Variants in EEA1 observed in about 807,000 individuals in gnomAD.
EEA1 encodes early endosome antigen 1, 162kD.
A neutral mutation model predicts 209.2 loss-of-function variants in EEA1; 111 were observed. The observed-to-expected ratio is 0.53, with a 90% CI of 0.45 to 0.62. EEA1 has a LOEUF of 0.62. Ranked by LOEUF, EEA1 falls within the 20% of genes least tolerant of loss-of-function variation. EEA1 has a pLI of 0.00. For missense variants in EEA1, 1,343 were observed against 1,530.8 expected (o/e 0.88, Z 2.05); for synonymous variants, 536 against 540.6 (o/e 0.99, Z 0.12).
intron 11 of EEA1, among the ~76,000 whole-genome samples, chr12:92,830,265 T>C (rs1044135003): frequency 1.4e-4 from 21 of 152,192 alleles, no homozygotes; most frequent in Non-Finnish European, 2.1e-4. Context: ...GATTATTTCA[T>C]TACCTAGGTA....
Position 92,772,368 on chromosome 12 carries a change from T to C in EEA1, c.*3643A>G, listed in dbSNP as rs1270181262. The C allele has an allele frequency of 6.6e-6, 1 of 151,880 alleles. No homozygotes were observed. Among genetic ancestry groups the C allele is most frequent in the Non-Finnish European group, 1.5e-5 (1 of 67,822 alleles). The allele number at this position is 151,880 out of a possible 1,614,324, so 9.4% of individuals were successfully genotyped here. A position where few individuals can be genotyped will look rare whatever the true frequency, so the allele number is the denominator to read the frequency against. The stretch of plus-strand genomic sequence containing the variant: ...TTGAGATCAGGAATTTAATTACTAT[T>C]CGAAATTGAACAACATTAAAACACC... On this transcript the variant is annotated 3_prime_UTR_variant, in exon 29 of 29. Transcript: ENST00000322349.
chr12:92,808,882 T>C, intron 18 of EEA1, 135 bp downstream of exon 18: 2 of 705,270 alleles, frequency 2.8e-6, no homozygotes, highest in Non-Finnish European at 4.1e-6. Flanking sequence ...TTAACATCAG[T>C]TTATAAAATC....
Position 92,801,656 on chromosome 12 carries a change from C to T in EEA1, c.2716G>A (p.Glu906Lys). Residue 906 changes from glutamate to lysine, a missense_variant, in exon 20 of 29, where the codon GAA becomes AAA. Glu to Lys is a moderately conservative substitution (Grantham distance 56). Around this residue, in one of 3 missense-constraint regions of EEA1, gnomAD observed 1,307 missense variants for 1,465.5 expected, o/e 0.89. Coordinates refer to ENST00000322349, the MANE Select transcript of EEA1 (RefSeq NM_003566.4). ...TCCTTCTGTTCCTTAAGTGTGTTTT[C>T]CATCTGCACTTGAAGTTGATGCTTT... ...ELKHQLQVQM[E>K]NTLKEQKELK... 1 of 1,597,706 alleles carries T rather than the reference C, an allele frequency of 6.3e-7. No individual in the cohort carries two copies. Among genetic ancestry groups the T allele is most frequent in the African/African-American group, 1.4e-5 (1 of 74,062 alleles).
chr12:92,903,947 T>C (rs1195833283), intron 1 of EEA1, among the ~76,000 whole-genome samples: 1 of 152,098 alleles, frequency 6.6e-6, no homozygotes, highest in African/African-American at 2.4e-5. Flanking sequence ...GTTGTCATAT[T>C]ACTTTTTAAA....
At chr12:92,869,481 C>T (rs925954009) in intron 2 of EEA1, among the ~76,000 whole-genome samples, 6 of 151,758 alleles carry the variant, frequency 4.0e-5, no homozygotes, top group Non-Finnish European at 7.4e-5. Flanking sequence ...CAGTTGTTCA[C>T]GCCCATAATC....
At chr12:92,857,188 C>T in intron 5 of EEA1, 87 bp downstream of exon 5, 3 of 1,016,370 alleles carry the variant, frequency 3.0e-6, no homozygotes, top group South Asian at 1.8e-5. Flanking sequence ...CAGGCCGCCA[C>T]CTGCTTGCAA....
intron 2 of EEA1, chr12:92,884,169 C>G: frequency 2.3e-6 from 3 of 1,325,498 alleles, no homozygotes; most frequent in Non-Finnish European, 2.1e-6. Context: ...ATTGAAGTGA[C>G]TCAAATCATG....
At chr12:92,881,462 A>T (rs1879138929) in intron 2 of EEA1, among the ~76,000 whole-genome samples, 1 of 152,116 alleles carries the variant, frequency 6.6e-6, no homozygotes, top group Non-Finnish European at 1.5e-5. Context: ...AGAAAGGGAA[A>T]GAAAGGCGAT....
rs1407378269 is a variant in EEA1 at position 92,802,726 on chromosome 12, C to T, written c.2348G>A (p.Ser783Asn). 1 of 1,564,612 alleles carries T rather than the reference C, an allele frequency of 6.4e-7. No homozygotes were observed. Among genetic ancestry groups the T allele is most frequent in the Non-Finnish European group, 8.6e-7 (1 of 1,163,960 alleles). Residue 783 changes from serine (S) to asparagine (N), a missense_variant, in exon 19 of 29, where the codon AGT becomes AAT. Ser to Asn is a conservative substitution (Grantham distance 46). Around this residue, in one of 3 missense-constraint regions of EEA1, gnomAD observed 1,307 missense variants for 1,465.5 expected, o/e 0.89. Coordinates refer to ENST00000322349, the MANE Select transcript of EEA1 (RefSeq NM_003566.4). ...TTTTTTCTGTAGATCCAATCTTGTA[C>T]TGGATACTCTAAATATTTAAAAAAC... ...QLEMEKEIVS[S>N]TRLDLQKKSE...
chr12:92,826,829 C>G (rs974215198), intron 12 of EEA1, among the ~76,000 whole-genome samples: 1 of 151,876 alleles, frequency 6.6e-6, no homozygotes, highest in Non-Finnish European at 1.5e-5. Flanking sequence ...AAAACTTTCT[C>G]CAGGCTGGCA....
intron 10 of EEA1, among the ~76,000 whole-genome samples, chr12:92,833,845 G>A (rs1415759312): frequency 1.3e-5 from 2 of 152,142 alleles, no homozygotes; most frequent in African/African-American, 4.8e-5. Context: ...GCATGAGTCA[G>A]AATGGGTTAA....
At chr12:92,898,731 CTTTTTTTTTTTT>C (rs772593153) in intron 1 of EEA1, among the ~76,000 whole-genome samples, 6 of 76,116 alleles carry the variant, frequency 7.9e-5, no homozygotes, top group East Asian at 2.8e-4. Flanking sequence ...CTTTTTTTCC[CTTTTTTTTTTTT>C]TTTTTTTTTT....
chr12:92,817,022 A>G (rs959079255), intron 14 of EEA1, among the ~76,000 whole-genome samples: 34 of 151,138 alleles, frequency 2.2e-4, no homozygotes, highest in Non-Finnish European at 1.5e-5. Context: ...CTTTTTGACC[A>G]TGTTTTTAAC....
Position 92,802,580 on chromosome 12 carries a change from T to C in EEA1, c.2494A>G (p.Asn832Asp). Residue 832 changes from asparagine (N) to aspartate (D), a missense_variant, in exon 19 of 29, where the codon AAC (asparagine) becomes GAC (aspartate). Asn to Asp is a conservative substitution (Grantham distance 23, BLOSUM62 1). This residue lies in a region of EEA1 where 1,307 missense variants were observed against 1,465.5 expected (regional missense o/e 0.89). Coordinates refer to ENST00000322349, the MANE Select transcript of EEA1 (RefSeq NM_003566.4). ...ETKIQHEELNNRIQTTVTELQ... is the reference protein window; with the variant it reads ...ETKIQHEELNDRIQTTVTELQ... ...TCTGTTACTGTTGTTTGAATTCTGT[T>C]ATTCAATTCCTCATGCTGAATCTTT... 1 of 1,600,886 alleles carries C rather than the reference T, an allele frequency of 6.2e-7. No individual in the cohort carries two copies. Among genetic ancestry groups the C allele is most frequent in the Non-Finnish European group, 8.5e-7 (1 of 1,176,254 alleles).
At chr12:92,926,155 G>A (rs567999342) in intron 1 of EEA1, among the ~76,000 whole-genome samples, 4 of 152,014 alleles carry the variant, frequency 2.6e-5, no homozygotes, top group East Asian at 1.9e-4. Flanking sequence ...CACCACTCCC[G>A]GCTAATTTTG....
intron 2 of EEA1, among the ~76,000 whole-genome samples, chr12:92,875,502 G>A (rs553541555): frequency 2.0e-5 from 3 of 152,162 alleles, no homozygotes; most frequent in Admixed American, 1.3e-4. Flanking sequence ...CATTGAAAAT[G>A]CATCCAGAAT....
chr12:92,894,234 T>C (rs1382939670), intron 1 of EEA1, among the ~76,000 whole-genome samples: 1 of 152,136 alleles, frequency 6.6e-6, no homozygotes, highest in Non-Finnish European at 1.5e-5. Context: ...TCACTGGCCA[T>C]TTCCCAGTCT....
intron 1 of EEA1, among the ~76,000 whole-genome samples, chr12:92,920,148 A>G (rs1434499097): frequency 2.2e-5 from 1 of 46,032 alleles, no homozygotes; most frequent in Non-Finnish European, 4.3e-5. Context: ...GGAAGAATCA[A>G]TATTGTGAAA....
chr12:92,860,896 G>A (rs77051906), intron 3 of EEA1, among the ~76,000 whole-genome samples: 3 of 142,714 alleles, frequency 2.1e-5, no homozygotes, highest in Non-Finnish European at 3.1e-5. Context: ...AAAAAAAAAA[G>A]AAGACAAAGA....
Sources: allele counts gnomAD v4.1 joint callset (sites outside exome capture counted in the v4.1 genomes callset), GRCh38; gene constraint gnomAD v4.1.1; regional missense constraint gnomAD v4.1.1; transcripts MANE v1.5; gene names NCBI Gene and HGNC (gene_info 2026-07-23, HGNC 2026-07-21).